The following TSPAN18 variants were observed in gnomAD, a reference collection of about 807,000 sequenced individuals.
The protein encoded by TSPAN18 is tetraspanin-18.
A neutral mutation model predicts 27.3 loss-of-function variants in TSPAN18; 14 were observed. The observed-to-expected ratio is 0.51, with a 90% confidence interval of 0.34 to 0.80. The LOEUF is 0.80. TSPAN18 is among the 30% of genes least tolerant of loss of function. TSPAN18 has a pLI of 0.01. For synonymous variants in TSPAN18, 143 were observed against 136.5 expected, an observed-to-expected ratio of 1.05 and a Z score of -0.33; for missense variants, 268 against 323.9, an observed-to-expected ratio of 0.83 and a Z score of 1.32.
At chr11:44,876,097 G>A (rs1365547785) in intron 3 of TSPAN18, among the ~76,000 whole-genome samples, 1 of 152,134 alleles carries the variant, frequency 6.6e-6, no homozygotes, top group African/African-American at 2.4e-5. Flanking sequence ...GCTCCGGAGA[G>A]GAAGGACCCC....
intron 2 of TSPAN18, among the ~76,000 whole-genome samples, chr11:44,772,399 C>T (rs1314866057): frequency 6.8e-6 from 1 of 146,898 alleles, no homozygotes; most frequent in South Asian, 2.3e-4. Context: ...TATGTATAAC[C>T]ATGCCAGTAA....
At chr11:44,797,785 G>A (rs1436831450) in intron 2 of TSPAN18, among the ~76,000 whole-genome samples, 1 of 152,150 alleles carries the variant, frequency 6.6e-6, no homozygotes, top group Non-Finnish European at 1.5e-5. Flanking sequence ...AAATTTGGGA[G>A]GAATTAACAC....
chr11:44,910,187 T>A (rs1042507138), intron 5 of TSPAN18, among the ~76,000 whole-genome samples: 1 of 152,256 alleles, frequency 6.6e-6, no homozygotes, highest in Non-Finnish European at 1.5e-5. Context: ...TGCCTCAGGC[T>A]GCCTCTTCCC....
chr11:44,747,997 C>G (rs1855119945), intron 1 of TSPAN18, among the ~76,000 whole-genome samples: 1 of 152,246 alleles, frequency 6.6e-6, no homozygotes, highest in Admixed American at 6.5e-5. Flanking sequence ...GGTTCTCTCT[C>G]TGTCTCTTAC....
intron 2 of TSPAN18, among the ~76,000 whole-genome samples, chr11:44,817,939 G>A (rs1267533917): frequency 6.6e-6 from 1 of 152,216 alleles, no homozygotes; most frequent in Non-Finnish European, 1.5e-5. Context: ...GTCCTCAGTG[G>A]GAACTGAAAT....
chr11:44,927,520 G>T (rs1437958241), intron 9 of TSPAN18, among the ~76,000 whole-genome samples: 1 of 152,232 alleles, frequency 6.6e-6, no homozygotes, highest in South Asian at 2.1e-4. Context: ...ACTTCGCCTT[G>T]CCTGGTTTCC....
chr11:44,745,753 C>T (rs916161809), intron 1 of TSPAN18, among the ~76,000 whole-genome samples: 2 of 152,188 alleles, frequency 1.3e-5, no homozygotes, highest in African/African-American at 2.4e-5. Context: ...CATGGCTGGG[C>T]GCGGTGGCTC....
At chr11:44,745,660 C>G (rs1188073505) in intron 1 of TSPAN18, among the ~76,000 whole-genome samples, 1 of 152,146 alleles carries the variant, frequency 6.6e-6, no homozygotes, top group Non-Finnish European at 1.5e-5. Flanking sequence ...TGTGAATATT[C>G]ATTGAGCAGT....
intron 2 of TSPAN18, among the ~76,000 whole-genome samples, chr11:44,766,504 C>T (rs1304197949): frequency 7.1e-6 from 1 of 140,170 alleles, no homozygotes; most frequent in Non-Finnish European, 1.6e-5. Flanking sequence ...GAAAAACCTT[C>T]CCATCCCCAG....
intron 3 of TSPAN18, chr11:44,897,785 C>G (rs1209682001): frequency 1.6e-6 from 2 of 1,289,386 alleles, no homozygotes; most frequent in East Asian, 5.5e-5. Context: ...ACAAGCCTCG[C>G]TGACGGGAGA....
At position 44,777,166 on chromosome 11, in the gene TSPAN18, C is replaced by G. The variant is rs145024344; in HGVS notation, c.-153+12654C>G. 3.3e-5 allele frequency among the ~76,000 whole-genome samples: 5 copies of G among 152,336 alleles called. No homozygotes were observed. In the East Asian group the frequency reaches 9.6e-4, roughly 29 times the overall value. ...CTGGGGGATGCTGGCCCTCAAATAG[C>G]TTCCCTATTTGGGAACTTTTGTGCT... On this transcript the variant is annotated intron_variant, in intron 2 of 9. Coordinates refer to ENST00000520358, the MANE Select transcript of TSPAN18 (RefSeq NM_130783.5).
At chr11:44,755,882 G>A (rs902659889) in intron 1 of TSPAN18, among the ~76,000 whole-genome samples, 1 of 152,076 alleles carries the variant, frequency 6.6e-6, no homozygotes, top group African/African-American at 2.4e-5. Context: ...CTAGGAGCCA[G>A]GAAGAGATGT....
chr11:44,823,869 G>C (rs1299855632), intron 2 of TSPAN18, among the ~76,000 whole-genome samples: 2 of 152,140 alleles, frequency 1.3e-5, no homozygotes, highest in African/African-American at 4.8e-5. Flanking sequence ...TCGAGTAGCT[G>C]GTGGAGGGAG....
chr11:44,728,161 G>C (rs1854564382), intron 1 of TSPAN18, among the ~76,000 whole-genome samples: 1 of 152,240 alleles, frequency 6.6e-6, no homozygotes, highest in Non-Finnish European at 1.5e-5. Context: ...TAGCCAGACG[G>C]GGGAGCGGGA....
intron 2 of TSPAN18, among the ~76,000 whole-genome samples, chr11:44,769,020 G>A (rs909777603): frequency 6.7e-6 from 1 of 150,156 alleles, no homozygotes; most frequent in African/African-American, 2.4e-5. Context: ...TCAGCCTCCC[G>A]AATAGCTGAG....
intron 8 of TSPAN18, among the ~76,000 whole-genome samples, chr11:44,921,747 T>C (rs2135372487): frequency 6.6e-6 from 1 of 152,326 alleles, no homozygotes; most frequent in East Asian, 1.9e-4. Flanking sequence ...TTGTTTGAGA[T>C]GCCCGTTGCC....
At chr11:44,791,200 A>G (rs1329927323) in intron 2 of TSPAN18, among the ~76,000 whole-genome samples, 1 of 152,032 alleles carries the variant, frequency 6.6e-6, no homozygotes, top group Non-Finnish European at 1.5e-5. Context: ...ACACCACTGA[A>G]TGGGGGCAGG....
At chr11:44,749,632 C>CTTT (rs71894571) in intron 1 of TSPAN18, among the ~76,000 whole-genome samples, 4,187 of 110,072 alleles carry the variant, frequency 0.038, 292 homozygotes, top group African/African-American at 0.15. Context: ...GTGGAACTTT[C>CTTT]TTTTTTTTTT....
intron 5 of TSPAN18, chr11:44,917,750 A>G: frequency 1.7e-6 from 1 of 583,086 alleles, no homozygotes; most frequent in South Asian, 2.1e-5. Context: ...GAAGGTATAT[A>G]TTTGTTTATT....
Sources: gnomAD v4.1 joint callset for allele counts (sites outside exome capture counted in the v4.1 genomes callset) on GRCh38, gnomAD v4.1.1 for gene constraint, MANE v1.5 for transcripts, NCBI Gene and HGNC (gene_info 2026-07-23, HGNC 2026-07-21) for gene names.